The following SLC38A1 variants were observed in gnomAD, a reference collection of about 807,000 sequenced individuals.
The protein encoded by SLC38A1 is sodium-coupled neutral amino acid symporter 1.
A neutral mutation model predicts 60.3 loss-of-function variants in SLC38A1; 18 were observed. The ratio of observed to expected loss-of-function variants is 0.30; its 90% confidence interval spans 0.21 to 0.44. The LOEUF (loss-of-function observed/expected upper bound fraction) is 0.44. SLC38A1 is among the 20% of genes least tolerant of loss of function. SLC38A1 has a pLI of 1.00. For missense variants in SLC38A1, 448 were observed against 587.2 expected, an observed-to-expected ratio of 0.76 and a Z score of 2.45; for synonymous variants, 196 against 212.1, an observed-to-expected ratio of 0.92 and a Z score of 0.66.
intron 16 of SLC38A1, among the ~76,000 whole-genome samples, chr12:46,194,567 A>C (rs1815517057): frequency 1.3e-5 from 2 of 152,196 alleles, no homozygotes; most frequent in Non-Finnish European, 2.9e-5. Context: ...TTTCAGGAAC[A>C]CCAGTCAAAC....
intron 5 of SLC38A1, among the ~76,000 whole-genome samples, chr12:46,225,985 T>C (rs1268757587): frequency 6.6e-6 from 1 of 152,210 alleles, no homozygotes; most frequent in African/African-American, 2.4e-5. Flanking sequence ...GTGAACCTTA[T>C]CTGAGTACTG....
At chr12:46,244,085 G>A in intron 1 of SLC38A1, among the ~76,000 whole-genome samples, 1 of 152,026 alleles carries the variant, frequency 6.6e-6, no homozygotes, top group Non-Finnish European at 1.5e-5. Context: ...TAAACTACAT[G>A]GCAGAACGAA....
chr12:46,245,002 A>G (rs776004704), intron 1 of SLC38A1, among the ~76,000 whole-genome samples: 1 of 152,158 alleles, frequency 6.6e-6, no homozygotes, highest in Non-Finnish European at 1.5e-5. Flanking sequence ...AGATTTTTTT[A>G]TGCCCACCAT....
intron 2 of SLC38A1, among the ~76,000 whole-genome samples, chr12:46,240,516 G>T (rs1941411253): frequency 6.6e-6 from 1 of 152,158 alleles, no homozygotes; most frequent in Admixed American, 6.5e-5. Flanking sequence ...CTTTTAAAAT[G>T]AAAGTGATTC....
intron 5 of SLC38A1, among the ~76,000 whole-genome samples, chr12:46,211,771 G>A (rs560317815): frequency 1.0e-3 from 157 of 152,312 alleles, no homozygotes; most frequent in African/African-American, 3.5e-3. Flanking sequence ...ATGTTTAAGA[G>A]ACGTAACATT....
At chr12:46,218,226 C>T (rs78478613) in intron 5 of SLC38A1, among the ~76,000 whole-genome samples, 5 of 152,110 alleles carry the variant, frequency 3.3e-5, no homozygotes, top group African/African-American at 1.2e-4. Flanking sequence ...TAACTCTTGA[C>T]ACTCTTGATG....
At chr12:46,243,401 A>T (rs534060916) in intron 1 of SLC38A1, 87 bp from the exon 2 acceptor site, 53 of 152,302 alleles carry the variant, frequency 3.5e-4, no homozygotes, top group African/African-American at 1.3e-3. Context: ...TTTTTAAAAC[A>T]TTTTTTTCAC....
chr12:46,200,985 A>G, intron 13 of SLC38A1, 113 bp downstream of exon 13: 1 of 758,094 alleles, frequency 1.3e-6, no homozygotes, highest in South Asian at 1.7e-5. Context: ...TAGAAAAACC[A>G]ATGGATAGCT....
chr12:46,255,389 T>C (rs559032133), intron 1 of SLC38A1, among the ~76,000 whole-genome samples: 281 of 152,350 alleles, frequency 1.8e-3, no homozygotes, highest in Non-Finnish European at 3.2e-3. Flanking sequence ...GTCTAACTTA[T>C]GGAAAAAATG....
intron 1 of SLC38A1, among the ~76,000 whole-genome samples, chr12:46,255,291 T>C (rs1019097077): frequency 6.6e-6 from 1 of 152,242 alleles, no homozygotes; most frequent in Non-Finnish European, 1.5e-5. Context: ...CACACAGTAA[T>C]TTTATGTAAC....
At chr12:46,207,314 G>C in intron 7 of SLC38A1, 78 bp from the exon 8 acceptor site, 1 of 1,291,540 alleles carries the variant, frequency 7.7e-7, no homozygotes, top group East Asian at 2.4e-5. Flanking sequence ...TTATCAGCCC[G>C]TTCTTAGACC....
chr12:46,251,054 A>G (rs1941820164), intron 1 of SLC38A1, among the ~76,000 whole-genome samples: 1 of 152,262 alleles, frequency 6.6e-6, no homozygotes, highest in Non-Finnish European at 1.5e-5. Context: ...TTAAGCAAAA[A>G]GAACAAAGCT....
At chr12:46,227,058 A>T (rs1940895954) in intron 5 of SLC38A1, among the ~76,000 whole-genome samples, 1 of 152,130 alleles carries the variant, frequency 6.6e-6, no homozygotes, top group African/African-American at 2.4e-5. Flanking sequence ...CAAAAAAAAA[A>T]AAAATTAACA....
At chr12:46,257,994 T>A (rs1942085675) in intron 1 of SLC38A1, among the ~76,000 whole-genome samples, 1 of 152,206 alleles carries the variant, frequency 6.6e-6, no homozygotes, top group African/African-American at 2.4e-5. Context: ...TATTTCTTGA[T>A]GATTTGCTAA....
rs565324786 is a variant in SLC38A1, at chr12:46,206,169, G to C, written c.564-7C>G. Reference sequence around the variant, plus strand: ...GCCATCCACGTACCAGGCTCTGAAAGGCATTTAAGTGATTAGGTTATATTT... The same window carrying C: ...GCCATCCACGTACCAGGCTCTGAAACGCATTTAAGTGATTAGGTTATATTT... On this transcript the variant is annotated splice_region_variant and splice_polypyrimidine_tract_variant and intron_variant, in intron 8 of 16. Transcript: ENST00000398637. 2 of 1,584,214 alleles carry C rather than the reference G, an allele frequency of 1.3e-6. No individual in the cohort carries two copies. The highest frequency in any genetic ancestry group is 2.3e-5 in the South Asian group (2 of 87,706).
intron 1 of SLC38A1, among the ~76,000 whole-genome samples, chr12:46,265,267 G>C (rs1942316947): frequency 6.6e-6 from 1 of 152,174 alleles, no homozygotes; most frequent in Admixed American, 6.5e-5. Flanking sequence ...GTAAGCTGAG[G>C]CCTGATATTT....
intron 12 of SLC38A1, among the ~76,000 whole-genome samples, chr12:46,202,204 AT>A (rs1316563526): frequency 0.04 from 1,607 of 39,852 alleles, 25 homozygotes; most frequent in African/African-American, 0.13. Flanking sequence ...AAAAAAAAAA[AT>A]AAATAAAGAA....
intron 5 of SLC38A1, among the ~76,000 whole-genome samples, chr12:46,214,800 T>C (rs1477113046): frequency 5.3e-5 from 8 of 152,112 alleles, no homozygotes; most frequent in African/African-American, 1.9e-4. Context: ...CAACACAGCA[T>C]CAGAACCTTT....
chr12:46,252,632 A>G (rs2138727413), intron 1 of SLC38A1, among the ~76,000 whole-genome samples: 1 of 152,118 alleles, frequency 6.6e-6, no homozygotes, highest in East Asian at 1.9e-4. Flanking sequence ...AAATGGAATA[A>G]AACAACCAAA....
Sources: gnomAD v4.1 joint callset for allele counts (sites outside exome capture counted in the v4.1 genomes callset) on GRCh38, gnomAD v4.1.1 for gene constraint, MANE v1.5 for transcripts, NCBI Gene and HGNC (gene_info 2026-07-23, HGNC 2026-07-21) for gene names.